Variants in MLLT3 observed in about 807,000 individuals in gnomAD.
MLLT3 encodes the protein protein AF-9.
A neutral mutation model predicts 53.2 loss-of-function variants in MLLT3; 4 were observed. That is an observed-to-expected ratio of 0.08 (90% CI 0.04 to 0.17). The LOEUF is 0.17. Ranked by LOEUF, MLLT3 falls within the 10% of genes least tolerant of loss-of-function variation. The probability of loss-of-function intolerance (pLI) is 1.00; values close to 1 mark genes in which losing one functional copy is unlikely to be tolerated. For missense variants in MLLT3, 569 were observed against 684.0 expected, an observed-to-expected ratio of 0.83 and a Z score of 1.87; for synonymous variants, 283 against 230.6, an observed-to-expected ratio of 1.23 and a Z score of -2.06.
In MLLT3 at chr9:20,350,801, G is replaced by A. The variant is rs1223227663; in HGVS notation, c.1575+2724C>T. 2.6e-5 allele frequency among the ~76,000 whole-genome samples: 4 copies of A among 152,232 alleles called. No homozygotes were observed. In the East Asian group the frequency reaches 7.7e-4, roughly 29 times the overall value. Reference sequence around the variant, plus strand: ...GTTTTAAACAGGGTAAGATCCACTTGTCAGATCTGTGGCTCCCTTCCCCAA... The same window carrying A: ...GTTTTAAACAGGGTAAGATCCACTTATCAGATCTGTGGCTCCCTTCCCCAA... On this transcript the variant is annotated intron_variant, in intron 10 of 10. Transcript: ENST00000380338.
intron 2 of MLLT3, chr9:20,533,178 C>G: frequency 3.5e-6 from 1 of 284,372 alleles, no homozygotes; most frequent in Non-Finnish European, 6.9e-6. Context: ...CACAGGTTAA[C>G]TTGGAAGGCA....
chr9:20,581,315 T>C (rs1156623934), intron 2 of MLLT3, among the ~76,000 whole-genome samples: 1 of 152,162 alleles, frequency 6.6e-6, no homozygotes, highest in Non-Finnish European at 1.5e-5. Context: ...ATAAACAAAA[T>C]TAAAGAGGTG....
chr9:20,510,855 A>G (rs186927972), intron 2 of MLLT3, among the ~76,000 whole-genome samples: 33 of 152,322 alleles, frequency 2.2e-4, no homozygotes, highest in African/African-American at 7.5e-4. Context: ...AAGCACCAGC[A>G]TTTAAAGATA....
At chr9:20,565,309 T>A (rs998160616) in intron 2 of MLLT3, among the ~76,000 whole-genome samples, 2 of 152,094 alleles carry the variant, frequency 1.3e-5, no homozygotes, top group African/African-American at 4.8e-5. Flanking sequence ...TAGAACAGTT[T>A]GGGCTAAGGA....
intron 5 of MLLT3, among the ~76,000 whole-genome samples, chr9:20,396,347 T>A (rs1437700522): frequency 6.6e-6 from 1 of 152,136 alleles, no homozygotes; most frequent in Non-Finnish European, 1.5e-5. Context: ...CTACCAACTA[T>A]GTGCCAGGTA....
chr9:20,451,959 C>A (rs1351272869), intron 3 of MLLT3, among the ~76,000 whole-genome samples: 1 of 152,116 alleles, frequency 6.6e-6, no homozygotes. Flanking sequence ...TATACAAACT[C>A]AAGAGAAGTA....
intron 5 of MLLT3, among the ~76,000 whole-genome samples, chr9:20,405,325 CT>C (rs1192401913): frequency 6.6e-6 from 1 of 152,180 alleles, no homozygotes; most frequent in African/African-American, 2.4e-5. Flanking sequence ...TTACTCTTCC[CT>C]TTTCACCAGA....
chr9:20,543,588 G>C (rs1260025375), intron 2 of MLLT3, among the ~76,000 whole-genome samples: 2 of 152,014 alleles, frequency 1.3e-5, no homozygotes, highest in African/African-American at 2.4e-5. Flanking sequence ...TCTACAGCGG[G>C]CTATGATCGT....
chr9:20,464,711 T>C (rs1824192499), intron 2 of MLLT3, among the ~76,000 whole-genome samples: 1 of 152,026 alleles, frequency 6.6e-6, no homozygotes, highest in African/African-American at 2.4e-5. Flanking sequence ...ATGACATTTA[T>C]ATTGGTTACA....
At chr9:20,395,251 T>C (rs1822293689) in intron 5 of MLLT3, among the ~76,000 whole-genome samples, 1 of 152,290 alleles carries the variant, frequency 6.6e-6, no homozygotes, top group South Asian at 2.1e-4. Context: ...TTCAAATGGG[T>C]AACAACTTGA....
chr9:20,442,777 TTTA>T (rs1393130991), intron 4 of MLLT3, among the ~76,000 whole-genome samples: 1 of 152,138 alleles, frequency 6.6e-6, no homozygotes, highest in Non-Finnish European at 1.5e-5. Flanking sequence ...AAGATTCCAA[TTTA>T]TTCCTTGTGA....
chr9:20,587,607 A>G (rs1820008020), intron 2 of MLLT3, among the ~76,000 whole-genome samples: 1 of 152,234 alleles, frequency 6.6e-6, no homozygotes, highest in Admixed American at 6.5e-5. Flanking sequence ...GAAATCCTTT[A>G]TTGAAAAACT....
intron 2 of MLLT3, among the ~76,000 whole-genome samples, chr9:20,500,554 T>G (rs1232299934): frequency 6.6e-6 from 1 of 152,182 alleles, no homozygotes; most frequent in South Asian, 2.1e-4. Flanking sequence ...ACGGAAATCT[T>G]TGGAAAATTC....
intron 2 of MLLT3, among the ~76,000 whole-genome samples, chr9:20,591,800 G>T (rs1022742502): frequency 3.8e-4 from 58 of 152,150 alleles, no homozygotes; most frequent in Admixed American, 1.3e-4. Flanking sequence ...GGTTTCTAAG[G>T]AACATGAAAC....
chr9:20,349,331 T>C (rs1481258623), intron 10 of MLLT3, among the ~76,000 whole-genome samples: 1 of 152,174 alleles, frequency 6.6e-6, no homozygotes, highest in Non-Finnish European at 1.5e-5. Context: ...AAATGGTAAA[T>C]TGCTACCTAA....
At chr9:20,595,271 A>T (rs917808023) in intron 2 of MLLT3, among the ~76,000 whole-genome samples, 2 of 152,064 alleles carry the variant, frequency 1.3e-5, no homozygotes, top group Non-Finnish European at 2.9e-5. Flanking sequence ...AGAGGCTGAG[A>T]CAGGAGGATC....
rs192527354 is a variant in MLLT3 at position 20,365,280 on chromosome 9, G to C, written c.1201+389C>G. Among the ~76,000 whole-genome samples the C allele has an allele frequency of 5.9e-5, 9 of 152,174 alleles. No homozygotes were observed. In the East Asian group the frequency reaches 1.3e-3, roughly 23 times the overall value. The stretch of plus-strand genomic sequence containing the variant: ...CTGCATAAAAGCCAAGTTATGATTC[G>C]AATAATAAAACAGTATAAGGTGATA... On this transcript the variant is annotated intron_variant, in intron 6 of 10. Transcript: ENST00000380338.
chr9:20,401,410 C>T (rs947188305), intron 5 of MLLT3, among the ~76,000 whole-genome samples: 2 of 152,088 alleles, frequency 1.3e-5, no homozygotes, highest in Non-Finnish European at 2.9e-5. Context: ...AGTATGCCCA[C>T]CTGGCACTAA....
In MLLT3 at chr9:20,619,618, C is replaced by G. The variant is rs117537583; in HGVS notation, c.193+1036G>C. On this transcript the variant is annotated intron_variant, in intron 2 of 10. Coordinates refer to ENST00000380338, the MANE Select transcript of MLLT3 (RefSeq NM_004529.4). Reference sequence around the variant, plus strand: ...GTGTCGACTTAGATAAATAAACCTGCTCACAAACAAAGCACCTTATTGTAT... The same window carrying G: ...GTGTCGACTTAGATAAATAAACCTGGTCACAAACAAAGCACCTTATTGTAT... 1.1e-4 allele frequency among the ~76,000 whole-genome samples: 17 copies of G among 152,318 alleles called. No homozygotes were observed. In the East Asian group the frequency reaches 2.9e-3, roughly 26 times the overall value.
Sources: gnomAD v4.1 joint callset for allele counts (sites outside exome capture counted in the v4.1 genomes callset) on GRCh38, gnomAD v4.1.1 for gene constraint, MANE v1.5 for transcripts, NCBI Gene and HGNC (gene_info 2026-07-23, HGNC 2026-07-21) for gene names.